The following CCS variants were observed in gnomAD, a reference collection of about 807,000 sequenced individuals.
CCS encodes the protein copper chaperone for superoxide dismutase, also known as superoxide dismutase copper chaperone.
A neutral mutation model predicts 35.5 loss-of-function variants in CCS; 32 were observed. The observed-to-expected ratio is 0.90, with a 90% CI of 0.68 to 1.21. The LOEUF (loss-of-function observed/expected upper bound fraction) is 1.21. Ranked by LOEUF, CCS falls within the 50% of genes most tolerant of loss-of-function variation. The pLI is 0.00. For missense variants in CCS, 342 were observed against 375.4 expected (o/e 0.91, Z 0.73); for synonymous variants, 130 against 147.2 (o/e 0.88, Z 0.84).
At chr11:66,602,835 G>T (rs1228250695) in intron 5 of CCS, among the ~76,000 whole-genome samples, 2 of 152,252 alleles carry the variant, frequency 1.3e-5, no homozygotes, top group African/African-American at 4.8e-5. Context: ...AGGAAGAACT[G>T]AGCAGGAGCT....
chr11:66,605,985 C>G lies in CCS; in HGVS notation c.*130C>G. 1 of 964,400 alleles carries G rather than the reference C, an allele frequency of 1.0e-6. No individual in the cohort carries two copies. The highest frequency in any genetic ancestry group is 1.4e-6 in the Non-Finnish European group (1 of 713,970). 59.7% of individuals were successfully genotyped at this position (964,400 alleles called of 1,614,324 possible). A position where few individuals can be genotyped will look rare whatever the true frequency, so the allele number is the denominator to read the frequency against. ...ACAGGGCAGGAGCTGCTGTGGTGTT[C>G]CCTTGGCAAATGAAAGTTTTATTTT... On this transcript the variant is annotated 3_prime_UTR_variant, in exon 8 of 8. Coordinates refer to ENST00000533244, the MANE Select transcript of CCS (RefSeq NM_005125.2).
At position 66,593,770 on chromosome 11, in the gene CCS, G is replaced by A. The variant is rs1858425734; in HGVS notation, c.112+56G>A. On this transcript the variant is annotated intron_variant, in intron 2 of 7. Transcript: ENST00000533244. ...GTCCAGAAGCCTCTGGGAGGGACCA[G>A]GCGAATCTATTAGGCGAACCCTACT... 10 of 1,522,310 alleles carry A rather than the reference G, an allele frequency of 6.6e-6. No individual in the cohort carries two copies. The South Asian group carries it at 1.0e-4, about 15-fold the overall frequency. The allele number at this position is 1,522,310 out of a possible 1,614,324, so 94.3% of individuals were successfully genotyped here. A position where few individuals can be genotyped will look rare whatever the true frequency, so the allele number is the denominator to read the frequency against.
chr11:66,598,354 C>A lies in CCS; in HGVS notation c.113-762C>A, dbSNP rs1590829201. Among the ~76,000 whole-genome samples, 3 of 147,702 alleles carry A rather than the reference C, an allele frequency of 2.0e-5. 1 individual carries two copies. The highest frequency in any genetic ancestry group is 3.4e-3 in the Middle Eastern group (1 of 294). On this transcript the variant is annotated intron_variant, in intron 2 of 7. Coordinates refer to ENST00000533244, the MANE Select transcript of CCS (RefSeq NM_005125.2). ...CCATGTCTACTAAAAGAAAAAAATACAAAAAAATTAGCTGGGCATGGTGGT... is the reference window on the plus strand; with the variant it reads ...CCATGTCTACTAAAAGAAAAAAATAAAAAAAAATTAGCTGGGCATGGTGGT...
rs373391814 is a variant in CCS, at chr11:66,605,417, G to C, written c.567+1G>C. ...CAGAATGGAGGATGAGCAGCTGAAGGTAAGGTGGAAAAGAAGGTGGGCACC... is the reference window on the plus strand; with the variant it reads ...CAGAATGGAGGATGAGCAGCTGAAGCTAAGGTGGAAAAGAAGGTGGGCACC... On this transcript the variant is annotated splice_donor_variant, in intron 6 of 7. Coordinates refer to ENST00000533244, the MANE Select transcript of CCS (RefSeq NM_005125.2). LOFTEE classifies it high-confidence loss of function. 6.2e-5 allele frequency: 100 copies of C among 1,614,048 alleles called. No individual in the cohort carries two copies. Among genetic ancestry groups the C allele is most frequent in the Middle Eastern group, 1.6e-4 (1 of 6,084 alleles).
At chr11:66,593,807 G>C in intron 2 of CCS, 93 bp downstream of exon 2, 1 of 1,164,832 alleles carries the variant, frequency 8.6e-7, no homozygotes, top group Non-Finnish European at 1.3e-6. Flanking sequence ...CCATTTTACA[G>C]ATGCAGAAAG....
chr11:66,605,915 G>A lies in CCS; in HGVS notation c.*60G>A, dbSNP rs1308695596. 2.1e-6 allele frequency: 3 copies of A among 1,422,172 alleles called. No individual in the cohort carries two copies. Among genetic ancestry groups the A allele is most frequent in the African/African-American group, 2.9e-5 (2 of 70,160 alleles). The allele number at this position is 1,422,172 out of a possible 1,614,324, so 88.1% of individuals were successfully genotyped here. A position where few individuals can be genotyped will look rare whatever the true frequency, so the allele number is the denominator to read the frequency against. ...AGGGCGAGCACTTTCCACTTCCAGA[G>A]GGGGCCAGAGGGACTTTGCCTGCCC... On this transcript the variant is annotated 3_prime_UTR_variant, in exon 8 of 8. Transcript: ENST00000533244.
intron 2 of CCS, among the ~76,000 whole-genome samples, chr11:66,594,253 G>C (rs1858434982): frequency 6.6e-6 from 1 of 152,168 alleles, no homozygotes; most frequent in Non-Finnish European, 1.5e-5. Flanking sequence ...CAGCTACTTG[G>C]GAGGCAGAGG....
chr11:66,599,351 C>G (rs1641435408), intron 3 of CCS, 98 bp downstream of exon 3: 1 of 1,499,006 alleles, frequency 6.7e-7, no homozygotes, highest in African/African-American at 1.4e-5. Context: ...GTTGGAGTGG[C>G]TTTGAGGAAG....
intron 1 of CCS, 41 bp downstream of exon 1, chr11:66,593,341 A>G (rs370474882): frequency 1.3e-6 from 2 of 1,482,174 alleles, no homozygotes; most frequent in South Asian, 1.3e-5. Flanking sequence ...CCGGGCAGAG[A>G]GCCTCGGCCC....
chr11:66,601,497 T>C (rs1858570706), intron 5 of CCS, among the ~76,000 whole-genome samples: 1 of 152,196 alleles, frequency 6.6e-6, no homozygotes, highest in East Asian at 1.9e-4. Flanking sequence ...TTTTGGACTT[T>C]TCACAGCTCT....
At chr11:66,598,201 TAAAG>T (rs371922971) in intron 2 of CCS, among the ~76,000 whole-genome samples, 5 of 151,976 alleles carry the variant, frequency 3.3e-5, no homozygotes, top group African/African-American at 1.2e-4. Context: ...TATCACTTCA[TAAAG>T]AAATCCTAGG....
rs1858528249 is a variant in CCS, at chr11:66,599,099, C to T, written c.113-17C>T. The T allele has an allele frequency of 2.5e-6, 4 of 1,614,054 alleles. No homozygotes were observed. In the East Asian group the frequency reaches 6.7e-5, roughly 27 times the overall value. ...GGTGCCAGCCTCTGTTGCCCTCTTC[C>T]CTCTCTTTCTTGCCAGGTGTCCAGG... On this transcript the variant is annotated splice_polypyrimidine_tract_variant and intron_variant, in intron 2 of 7. Transcript: ENST00000533244.
chr11:66,596,700 G>A (rs568935325), intron 2 of CCS, among the ~76,000 whole-genome samples: 1 of 152,196 alleles, frequency 6.6e-6, no homozygotes, highest in South Asian at 2.1e-4. Flanking sequence ...TTTTGAACTT[G>A]ACCCTTGTGG....
chr11:66,602,817 C>T (rs1259745155), intron 5 of CCS, among the ~76,000 whole-genome samples: 1 of 152,242 alleles, frequency 6.6e-6, no homozygotes, highest in African/African-American at 2.4e-5. Context: ...AATCCCTTAA[C>T]TTAGACAAGG....
intron 1 of CCS, 100 bp from the exon 2 acceptor site, chr11:66,593,542 G>T: frequency 3.9e-6 from 5 of 1,280,842 alleles, no homozygotes; most frequent in Non-Finnish European, 4.4e-6. Context: ...AGTGGGGCTT[G>T]TTCCCAGACC....
chr11:66,601,782 C>T (rs1001785724), intron 5 of CCS, among the ~76,000 whole-genome samples: 2 of 152,066 alleles, frequency 1.3e-5, no homozygotes, highest in Admixed American at 6.5e-5. Flanking sequence ...CTATGTTCCT[C>T]AGGCTGGTCT....
intron 2 of CCS, among the ~76,000 whole-genome samples, chr11:66,597,669 G>C (rs1274173689): frequency 6.8e-6 from 1 of 146,924 alleles, no homozygotes; most frequent in Non-Finnish European, 1.5e-5. Context: ...GGAGAATGGC[G>C]TGAACCCAGG....
intron 5 of CCS, among the ~76,000 whole-genome samples, chr11:66,602,606 C>T (rs1373177000): frequency 6.6e-6 from 1 of 152,218 alleles, no homozygotes; most frequent in African/African-American, 2.4e-5. Flanking sequence ...AGATGATGGG[C>T]AGGAAGTAGG....
In CCS at chr11:66,593,532, A is replaced by C. The variant is rs573046345; in HGVS notation, c.40-110A>C. 2.5e-6 allele frequency: 3 copies of C among 1,178,332 alleles called. No individual in the cohort carries two copies. In the South Asian group the frequency reaches 4.0e-5, roughly 16 times the overall value. The allele number at this position is 1,178,332 out of a possible 1,614,324, so 73.0% of individuals were successfully genotyped here. A position where few individuals can be genotyped will look rare whatever the true frequency, so the allele number is the denominator to read the frequency against. Reference sequence around the variant, plus strand: ...GAAGAAGGTGCTTGAAGAGGGGTTAAGTGGGGCTTGTTCCCAGACCCTTGC... The same window carrying C: ...GAAGAAGGTGCTTGAAGAGGGGTTACGTGGGGCTTGTTCCCAGACCCTTGC... On this transcript the variant is annotated intron_variant, in intron 1 of 7. Coordinates refer to ENST00000533244, the MANE Select transcript of CCS (RefSeq NM_005125.2).
Sources: allele counts gnomAD v4.1 joint callset (sites outside exome capture counted in the v4.1 genomes callset), GRCh38; gene constraint gnomAD v4.1.1; transcripts MANE v1.5; gene names NCBI Gene and HGNC (gene_info 2026-07-23, HGNC 2026-07-21).